The following TSBP1 variants were observed in gnomAD, a reference collection of about 807,000 sequenced individuals.
TSBP1 encodes the protein testis expressed basic protein 1.
Under a neutral mutation model 68.8 loss-of-function variants are expected in TSBP1, and 56 were observed. That is an observed-to-expected ratio of 0.81 (90% CI 0.66 to 1.02). The LOEUF (loss-of-function observed/expected upper bound fraction) is 1.02, where lower values mean the gene tolerates loss of function less well. TSBP1 is among the 50% of genes least tolerant of loss of function. TSBP1 has a pLI of 0.00. For synonymous variants in TSBP1, 171 were observed against 208.7 expected (o/e 0.82, Z 1.56); for missense variants, 502 against 641.2 (o/e 0.78, Z 2.34).
chr6:32,293,506 A>G (rs1445522749), exon 23 of TSBP1: 1 of 1,610,726 alleles, frequency 6.2e-7, no homozygotes. Flanking sequence ...CCTTTGAGAC[A>G]CCAGACTGAC....
At position 32,323,150 on chromosome 6, in the gene TSBP1, G is replaced by T. The variant is rs4279480; in HGVS notation, c.539-13C>A. ...GCCATGGGTGGACCTAAAAACCAAAGTAGATATTGGTGAAGATTTCTTTGA... is the reference window on the plus strand; with the variant it reads ...GCCATGGGTGGACCTAAAAACCAAATTAGATATTGGTGAAGATTTCTTTGA... On this transcript the variant is annotated splice_polypyrimidine_tract_variant and intron_variant, in intron 17 of 22. Transcript: ENST00000612031. 0.68 allele frequency: 1,035,508 copies of T among 1,524,022 alleles called. 355,457 individuals carry two copies. Among genetic ancestry groups the T allele is most frequent in the South Asian group, 0.81 (71,467 of 87,952 alleles). 94.4% of individuals were successfully genotyped at this position (1,524,022 alleles called of 1,614,324 possible). A position where few individuals can be genotyped will look rare whatever the true frequency, so the allele number is the denominator to read the frequency against.
chr6:32,294,092 A>G (rs144397119), intron 22 of TSBP1, 57 bp from the exon 26 acceptor site: 17 of 1,586,538 alleles, frequency 1.1e-5, no homozygotes, highest in African/African-American at 4.0e-5. Flanking sequence ...CTTTATTTCT[A>G]TTTTTTTCCC....
In TSBP1 at chr6:32,336,311, A is replaced by G. The variant is rs1031619037; in HGVS notation, c.430+304T>C. On this transcript the variant is annotated intron_variant, in intron 12 of 22. Transcript: ENST00000612031. The surrounding 1 kb of genome is among the most constrained non-coding windows in gnomAD (Gnocchi z 5.2). ...ATGGATCATTATGACTATTTCTAAG[A>G]GGGCTGTTTTGGTTTATATTTTTAA... Among the ~76,000 whole-genome samples the G allele has an allele frequency of 9.9e-5, 15 of 152,100 alleles. No homozygotes were observed. The highest frequency in any genetic ancestry group is 5.9e-5 in the Non-Finnish European group (4 of 68,026).
intron 6 of TSBP1, among the ~76,000 whole-genome samples, chr6:32,356,485 C>T (rs534883580): frequency 1.0e-3 from 157 of 151,990 alleles, no homozygotes; most frequent in African/African-American, 3.6e-3. Flanking sequence ...TTTGGGAGGC[C>T]GAAGTGGGTG....
chr6:32,370,118 C>G (rs1004383887), intron 1 of TSBP1, 135 bp from the exon 2 acceptor site: 1 of 654,174 alleles, frequency 1.5e-6, no homozygotes, highest in Non-Finnish European at 2.7e-6. Flanking sequence ...CTCCTTTATT[C>G]TTTTATTTGC....
At chr6:32,300,611 A>T in intron 21 of TSBP1, 69 bp downstream of exon 24, 1 of 1,392,770 alleles carries the variant, frequency 7.2e-7, no homozygotes, top group Non-Finnish European at 1.0e-6. Context: ...ACACAAGAAC[A>T]TTTGGGAAAA....
intron 1 of TSBP1, 117 bp from the exon 2 acceptor site, chr6:32,370,100 TAC>T: frequency 1.4e-6 from 1 of 695,954 alleles, no homozygotes; most frequent in Non-Finnish European, 2.6e-6. Context: ...CCCTTTCTGC[TAC>T]TTCAACTCCT....
chr6:32,355,194 C>G (rs761278029), intron 7 of TSBP1, 50 bp from the exon 8 acceptor site: 1 of 1,591,766 alleles, frequency 6.3e-7, no homozygotes, highest in South Asian at 1.1e-5. Context: ...AGTTTGGATC[C>G]CTAATCTTTA....
Position 32,325,654 on chromosome 6 carries a change from G to T in TSBP1, c.515-2040C>A. 9.4e-7 allele frequency: 1 copy of T among 1,068,362 alleles called. No individual in the cohort carries two copies. The highest frequency in any genetic ancestry group is 2.4e-5 in the East Asian group (1 of 42,456). 66.2% of individuals were successfully genotyped at this position (1,068,362 alleles called of 1,614,324 possible). A position where few individuals can be genotyped will look rare whatever the true frequency, so the allele number is the denominator to read the frequency against. ...CTGACCGAGGCAGTTGCAAGAAAAG[G>T]GGATTTGCCTTTGTAACCTTTGATG... is the stretch of plus-strand genomic sequence containing the variant. On this transcript the variant is annotated intron_variant, in intron 16 of 22. Coordinates refer to ENST00000612031, the Ensembl canonical transcript of TSBP1. This position sits in a 1 kb window ranked among gnomAD's most constrained non-coding sequence, Gnocchi z 4.4.
chr6:32,362,173 C>A (rs1244801475), intron 6 of TSBP1, among the ~76,000 whole-genome samples: 1 of 151,688 alleles, frequency 6.6e-6, no homozygotes, highest in East Asian at 1.9e-4. Context: ...CCTGTAGTCC[C>A]AGCAACTCGG....
Position 32,343,136 on chromosome 6 carries a change from C to T in TSBP1, c.350-3498G>A. 1 of 616,418 alleles carries T rather than the reference C, an allele frequency of 1.6e-6. No homozygotes were observed. The highest frequency in any genetic ancestry group is 2.5e-6 in the Non-Finnish European group (1 of 401,526). The allele number at this position is 616,418 out of a possible 1,614,324, so 38.2% of individuals were successfully genotyped here. ...ATTATGAGTCTTAAGCCCTTTCACC[C>T]TGACATAGCAGGAAACAGGAAATAG... On this transcript the variant is annotated intron_variant, in intron 9 of 22. Transcript: ENST00000612031. The surrounding 1 kb of genome is among the most constrained non-coding windows in gnomAD (Gnocchi z 4.3).
intron 17 of TSBP1, 75 bp downstream of exon 18, chr6:32,323,516 G>T: frequency 7.2e-7 from 1 of 1,388,816 alleles, no homozygotes; most frequent in East Asian, 2.4e-5. Flanking sequence ...GAGCAGGGTA[G>T]AGACAGGTCT....
At position 32,321,945 on chromosome 6, in the gene TSBP1, A is replaced by G. The variant is rs559026091; in HGVS notation, c.559+1172T>C. Reference sequence around the variant, plus strand: ...AGGTTGGCTGGAGCAGGCAGCAGCTACCCTCTTCAGACTATATGTGTCCTC... The same window carrying G: ...AGGTTGGCTGGAGCAGGCAGCAGCTGCCCTCTTCAGACTATATGTGTCCTC... On this transcript the variant is annotated intron_variant, in intron 18 of 22. Transcript: ENST00000612031. This position sits in a 1 kb window ranked among gnomAD's most constrained non-coding sequence, Gnocchi z 4.3. Among the ~76,000 whole-genome samples the G allele has an allele frequency of 6.6e-6, 1 of 152,244 alleles. No homozygotes were observed. The highest frequency in any genetic ancestry group is 1.5e-5 in the Non-Finnish European group (1 of 68,014).
chr6:32,344,963 C>A (rs1555116), intron 9 of TSBP1, among the ~76,000 whole-genome samples: 51,056 of 151,760 alleles, frequency 0.34, 9,653 homozygotes, highest in Middle Eastern at 0.52. Flanking sequence ...TCAAGTGATC[C>A]TCCCAACTCA....
At chr6:32,341,790 A>G (rs1052040892) in intron 9 of TSBP1, among the ~76,000 whole-genome samples, 3 of 152,194 alleles carry the variant, frequency 2.0e-5, no homozygotes, top group African/African-American at 7.2e-5. Context: ...GGAAGTTTTG[A>G]TACCTTTTAG....
At chr6:32,353,809 G>T (rs1027269098) in intron 8 of TSBP1, among the ~76,000 whole-genome samples, 4 of 151,906 alleles carry the variant, frequency 2.6e-5, no homozygotes, top group African/African-American at 9.7e-5. Context: ...AATAAATCTA[G>T]TTGGAACAAG....
rs150721951 is a variant in TSBP1 at position 32,299,771 on chromosome 6, C to CG, written c.637+150dup. The CG allele has an allele frequency of 7.9e-3, 5,223 of 658,826 alleles. 101 individuals are homozygous for CG. Among genetic ancestry groups the CG allele is most frequent in the Middle Eastern group, 0.019 (78 of 4,024 alleles). The allele number at this position is 658,826 out of a possible 1,614,324, so 40.8% of individuals were successfully genotyped here. A position where few individuals can be genotyped will look rare whatever the true frequency, so the allele number is the denominator to read the frequency against. On this transcript the variant is annotated intron_variant, in intron 22 of 22. Transcript: ENST00000612031. ...CTGTCTCAAAAAGAAAAGTGGAGGG[C>CG]GGGGGGGAACCTTGGAAGTTTCTGG...
chr6:32,338,172 T>C lies in TSBP1; in HGVS notation c.409+807A>G, dbSNP rs1769887964. On this transcript the variant is annotated intron_variant, in intron 11 of 22. Coordinates refer to ENST00000612031, the Ensembl canonical transcript of TSBP1. This position sits in a 1 kb window ranked among gnomAD's most constrained non-coding sequence, Gnocchi z 5.5. The stretch of plus-strand genomic sequence containing the variant: ...TATTTCCTCTCTCAGGGCAGAGAAT[T>C]AAAATCCTGTAGAGCAATGGTTCTT... 6.6e-6 allele frequency among the ~76,000 whole-genome samples: 1 copy of C among 152,190 alleles called. No individual in the cohort carries two copies. Among genetic ancestry groups the C allele is most frequent in the African/African-American group, 2.4e-5 (1 of 41,454 alleles).
chr6:32,323,523 G>T (rs759791905), intron 17 of TSBP1, 68 bp downstream of exon 18: 1 of 1,451,124 alleles, frequency 6.9e-7, no homozygotes, highest in Non-Finnish European at 9.6e-7. Context: ...GTAGAGACAG[G>T]TCTCTAAGCC....
Sources: allele counts gnomAD v4.1 joint callset (sites outside exome capture counted in the v4.1 genomes callset), GRCh38; gene constraint gnomAD v4.1.1; non-coding constraint Gnocchi (gnomAD v3.1); transcripts MANE v1.5; gene names NCBI Gene and HGNC (gene_info 2026-07-23, HGNC 2026-07-21).